The following HACE1 variants were observed in gnomAD, a reference collection of about 807,000 sequenced individuals.
HACE1 encodes HECT domain and ankyrin repeat containing E3 ubiquitin protein ligase 1.
Under a neutral mutation model 118.4 loss-of-function variants are expected in HACE1, and 73 were observed. That is an observed-to-expected ratio of 0.62 (90% CI 0.51 to 0.75). The LOEUF is 0.75. HACE1 is among the 30% of genes least tolerant of loss of function. HACE1 has a pLI of 0.00. For missense variants in HACE1, 749 were observed against 1,102.2 expected, an observed-to-expected ratio of 0.68 and a Z score of 4.54; for synonymous variants, 368 against 374.8, an observed-to-expected ratio of 0.98 and a Z score of 0.21.
chr6:104,821,301 G>A (rs1372351058), intron 6 of HACE1, among the ~76,000 whole-genome samples: 1 of 151,960 alleles, frequency 6.6e-6, no homozygotes, highest in Non-Finnish European at 1.5e-5. Context: ...GTTTACCTAT[G>A]TATCAAACCT....
intron 1 of HACE1, among the ~76,000 whole-genome samples, chr6:104,857,148 T>G (rs1364189403): frequency 6.7e-6 from 1 of 148,604 alleles, no homozygotes; most frequent in Non-Finnish European, 1.5e-5. Context: ...AGGAATGTTA[T>G]ATATATATTT....
chr6:104,794,103 T>G (rs1582501116), intron 10 of HACE1, among the ~76,000 whole-genome samples: 1 of 152,202 alleles, frequency 6.6e-6, no homozygotes, highest in African/African-American at 2.4e-5. Flanking sequence ...GGTTTATTTA[T>G]TAGCTTGGCA....
chr6:104,734,116 C>T (rs1775529271), intron 22 of HACE1, among the ~76,000 whole-genome samples: 1 of 127,120 alleles, frequency 7.9e-6, no homozygotes, highest in Non-Finnish European at 1.6e-5. Flanking sequence ...GAGATCCAGC[C>T]TGAGAAACAG....
intron 6 of HACE1, among the ~76,000 whole-genome samples, chr6:104,830,031 A>C (rs1582679219): frequency 6.6e-6 from 1 of 152,178 alleles, no homozygotes; most frequent in South Asian, 2.1e-4. Flanking sequence ...TACTGGTTCA[A>C]AGCAGCTAAA....
Position 104,791,590 on chromosome 6 carries a change from C to A in HACE1, c.988G>T (p.Val330Phe). 6.2e-7 allele frequency: 1 copy of A among 1,609,986 alleles called. No homozygotes were observed. The highest frequency in any genetic ancestry group is 8.5e-7 in the Non-Finnish European group (1 of 1,176,328). ...LLRIVRMFCH[V>F]FRIGPSSPSN... Reference sequence around the variant, plus strand: ...GGGGAGGATGGACCAATTCGAAAGACGTGACAAAACATTCTCACAATCCTT... The same window carrying A: ...GGGGAGGATGGACCAATTCGAAAGAAGTGACAAAACATTCTCACAATCCTT... The change falls in exon 11 of 24, where the codon GTC (valine) becomes TTC (phenylalanine). Residue 330 changes from valine to phenylalanine, a missense_variant. Coordinates refer to ENST00000262903, the MANE Select transcript of HACE1 (RefSeq NM_020771.4).
At chr6:104,806,636 G>C (rs1307905551) in intron 7 of HACE1, among the ~76,000 whole-genome samples, 3 of 151,952 alleles carry the variant, frequency 2.0e-5, no homozygotes, top group African/African-American at 7.3e-5. Flanking sequence ...AGATTTTTCA[G>C]TTTAAATAAC....
At chr6:104,839,899 G>A (rs1774926411) in intron 5 of HACE1, among the ~76,000 whole-genome samples, 1 of 152,066 alleles carries the variant, frequency 6.6e-6, no homozygotes, top group Non-Finnish European at 1.5e-5. Context: ...CCAGCTACTC[G>A]GGAGACTGAG....
At chr6:104,806,160 C>T (rs775400818) in intron 7 of HACE1, among the ~76,000 whole-genome samples, 24 of 152,166 alleles carry the variant, frequency 1.6e-4, no homozygotes, top group South Asian at 6.2e-4. Context: ...GTTGGCATTT[C>T]ATTTCAAAAA....
chr6:104,746,932 T>A (rs1301468259), intron 20 of HACE1, among the ~76,000 whole-genome samples: 2 of 152,180 alleles, frequency 1.3e-5, no homozygotes, highest in Non-Finnish European at 2.9e-5. Flanking sequence ...TAAAAATGAC[T>A]AACATTATAT....
intron 19 of HACE1, among the ~76,000 whole-genome samples, chr6:104,770,252 T>G (rs1780466879): frequency 6.6e-6 from 1 of 152,134 alleles, no homozygotes; most frequent in Non-Finnish European, 1.5e-5. Context: ...AGCTGCTACT[T>G]GTAAGCAACA....
At chr6:104,796,892 AAAGAT>A (rs780936637) in intron 8 of HACE1, 32 bp downstream of exon 8, 6 of 1,236,568 alleles carry the variant, frequency 4.9e-6, no homozygotes, top group Non-Finnish European at 7.2e-6. Flanking sequence ...TTTCTATTAT[AAAGAT>A]AAGGGGCTCA....
chr6:104,793,640 C>A (rs990344587), intron 10 of HACE1, among the ~76,000 whole-genome samples: 71 of 152,076 alleles, frequency 4.7e-4, no homozygotes, highest in Admixed American at 3.1e-3. Flanking sequence ...ATGAAAATTT[C>A]TATTAAAACA....
chr6:104,768,443 TG>T (rs1410065653), intron 19 of HACE1, among the ~76,000 whole-genome samples: 45 of 152,292 alleles, frequency 3.0e-4, no homozygotes, highest in African/African-American at 9.4e-4. Flanking sequence ...AGTAACATTT[TG>T]TAAACTGAAT....
At chr6:104,773,820 A>G (rs1780891129) in intron 17 of HACE1, among the ~76,000 whole-genome samples, 1 of 151,720 alleles carries the variant, frequency 6.6e-6, no homozygotes, top group African/African-American at 2.4e-5. Flanking sequence ...GAAAAGGAGT[A>G]ACAGTTTTTA....
intron 19 of HACE1, among the ~76,000 whole-genome samples, chr6:104,770,417 G>T (rs528823571): frequency 6.6e-6 from 1 of 152,034 alleles, no homozygotes; most frequent in Admixed American, 6.5e-5. Flanking sequence ...TAGAGGAGAG[G>T]TAATAATAAA....
intron 5 of HACE1, among the ~76,000 whole-genome samples, chr6:104,837,404 CAACA>C (rs1413086037): frequency 6.6e-6 from 1 of 152,110 alleles, no homozygotes; most frequent in Non-Finnish European, 1.5e-5. Context: ...ACAGCCTTTT[CAACA>C]AACAGTGCTA....
At chr6:104,855,280 T>C (rs1226947086) in intron 1 of HACE1, among the ~76,000 whole-genome samples, 5 of 151,838 alleles carry the variant, frequency 3.3e-5, no homozygotes, top group Admixed American at 2.0e-4. Flanking sequence ...CCATCTCTAC[T>C]AAAAATACAA....
At chr6:104,838,261 G>A (rs900214008) in intron 5 of HACE1, among the ~76,000 whole-genome samples, 9 of 152,088 alleles carry the variant, frequency 5.9e-5, no homozygotes, top group Non-Finnish European at 1.3e-4. Flanking sequence ...GCCATCCTGA[G>A]TAAAAAGATC....
Position 104,730,374 on chromosome 6 carries a change from T to A in HACE1, c.2556A>T (p.Gly852=). 1 of 1,599,850 alleles carries A rather than the reference T, an allele frequency of 6.3e-7. No individual in the cohort carries two copies. The highest frequency in any genetic ancestry group is 8.6e-7 in the Non-Finnish European group (1 of 1,166,964). ...CGATTGTAAAGTTTTGCAATCCACT[T>A]CCACCCATGATATTAGCAAACCCAC... ...PHGGFANIMG[G]SGLQNFTIAA... Residue 852 remains glycine (G), a synonymous_variant, in exon 23 of 24, where the codon GGA becomes GGT. Transcript: ENST00000262903.
Sources: allele counts gnomAD v4.1 joint callset (sites outside exome capture counted in the v4.1 genomes callset), GRCh38; gene constraint gnomAD v4.1.1; transcripts MANE v1.5; gene names NCBI Gene and HGNC (gene_info 2026-07-23, HGNC 2026-07-21).